The following EPHA6 variants were observed in gnomAD, a reference collection of about 807,000 sequenced individuals.
The protein encoded by EPHA6 is EPH receptor A6, also known as ephrin type-A receptor 6.
In EPHA6, 50 loss-of-function variants were observed where a neutral mutation model predicts 112.0. That is an observed-to-expected ratio of 0.45 (90% CI 0.36 to 0.56). The LOEUF is 0.56. Among genes scored for constraint, EPHA6 ranks in the 20% least tolerant of loss-of-function variants. The pLI is 0.00. For synonymous variants in EPHA6, 529 were observed against 490.7 expected (o/e 1.08, Z -1.03); for missense variants, 1,280 against 1,417.4 (o/e 0.90, Z 1.56).
chr3:97,248,578 G>T (rs979443503), intron 5 of EPHA6, among the ~76,000 whole-genome samples: 5 of 152,046 alleles, frequency 3.3e-5, no homozygotes, highest in Non-Finnish European at 7.4e-5. Context: ...GCTGATATTT[G>T]CTAAAGGGTC....
At chr3:96,822,647 C>T (rs756206044) in intron 1 of EPHA6, among the ~76,000 whole-genome samples, 2 of 150,934 alleles carry the variant, frequency 1.3e-5, no homozygotes, top group African/African-American at 4.9e-5. Context: ...TGTTAGGTAT[C>T]TATGTGGATA....
intron 10 of EPHA6, among the ~76,000 whole-genome samples, chr3:97,531,879 G>A (rs1375309265): frequency 1.3e-5 from 2 of 151,890 alleles, no homozygotes; most frequent in Admixed American, 6.6e-5. Flanking sequence ...TTTTCAATAC[G>A]TTCATACATC....
intron 3 of EPHA6, among the ~76,000 whole-genome samples, chr3:97,219,858 C>T (rs531736127): frequency 1.1e-4 from 16 of 152,302 alleles, no homozygotes; most frequent in African/African-American, 3.8e-4. Flanking sequence ...ATTTTATGCT[C>T]TACTTCCCTT....
At position 97,244,017 on chromosome 3, in the gene EPHA6, A is replaced by G; in HGVS notation, c.1336A>G (p.Ser446Gly). ...INETALILEW[S>G]PPSDTGGRKD... is the part of the protein sequence containing the mutation. ...TGAAACAGCCCTTATTTTGGAATGG[A>G]GCCCACCAAGTGACACAGGAGGGAG... Residue 446 changes from serine to glycine, a missense_variant, in exon 5 of 18, where the codon AGC (serine) becomes GGC (glycine). This residue lies in a region of EPHA6 where 878 missense variants were observed against 999.7 expected (regional missense o/e 0.88). Transcript: ENST00000389672. The G allele has an allele frequency of 6.2e-7, 1 of 1,612,442 alleles. No individual in the cohort carries two copies. The highest frequency in any genetic ancestry group is 1.1e-5 in the South Asian group (1 of 91,014).
chr3:97,415,977 T>C (rs2088092247), intron 6 of EPHA6, among the ~76,000 whole-genome samples: 1 of 152,072 alleles, frequency 6.6e-6, no homozygotes, highest in Admixed American at 6.6e-5. Flanking sequence ...TTGTTTGTTG[T>C]CAAAATAAAT....
chr3:96,956,551 A>G (rs1285613303), intron 2 of EPHA6, among the ~76,000 whole-genome samples: 1 of 152,222 alleles, frequency 6.6e-6, no homozygotes, highest in Non-Finnish European at 1.5e-5. Flanking sequence ...TGAAGTGAAC[A>G]GCATGCTATA....
intron 14 of EPHA6, among the ~76,000 whole-genome samples, chr3:97,670,731 C>T (rs896215558): frequency 6.6e-6 from 1 of 152,216 alleles, no homozygotes; most frequent in Admixed American, 6.5e-5. Context: ...GAATTTTCTG[C>T]AGGCAGCATA....
At chr3:97,597,658 C>T (rs1178707208) in intron 12 of EPHA6, among the ~76,000 whole-genome samples, 2 of 152,214 alleles carry the variant, frequency 1.3e-5, no homozygotes, top group African/African-American at 2.4e-5. Flanking sequence ...AATGTCTTTA[C>T]AGTACACTAA....
chr3:97,068,097 G>A (rs2046233176), intron 3 of EPHA6, among the ~76,000 whole-genome samples: 1 of 142,764 alleles, frequency 7.0e-6, no homozygotes, highest in African/African-American at 2.8e-5. Context: ...GGAGGCTTCA[G>A]TGAGCAGAGT....
chr3:97,311,793 T>TA (rs1414459579), intron 5 of EPHA6, among the ~76,000 whole-genome samples: 1 of 121,560 alleles, frequency 8.2e-6, no homozygotes, highest in African/African-American at 4.3e-5. Flanking sequence ...TTATTTGTCT[T>TA]AGAGTAAGAT....
At position 97,174,953 on chromosome 3, in the gene EPHA6, G is replaced by A. The variant is rs571510706; in HGVS notation, c.1115-51311G>A. Among the ~76,000 whole-genome samples the A allele has an allele frequency of 4.0e-5, 6 of 151,798 alleles. No homozygotes were observed. In the South Asian group the frequency reaches 1.2e-3, roughly 32 times the overall value. On this transcript the variant is annotated intron_variant, in intron 3 of 17. Coordinates refer to ENST00000389672, the MANE Select transcript of EPHA6 (RefSeq NM_001080448.3). The stretch of plus-strand genomic sequence containing the variant: ...TGGTTGCCTGTACGTGTGGGGTATT[G>A]CTCAAGATATTTTTGCCCAGACCAA...
At chr3:96,840,392 G>A (rs2034668491) in intron 1 of EPHA6, among the ~76,000 whole-genome samples, 1 of 152,062 alleles carries the variant, frequency 6.6e-6, no homozygotes, top group Admixed American at 6.6e-5. Context: ...ATGAAGTCAA[G>A]AGAGATTTCA....
At chr3:97,451,405 G>A (rs940878121) in intron 7 of EPHA6, among the ~76,000 whole-genome samples, 1 of 151,718 alleles carries the variant, frequency 6.6e-6, no homozygotes, top group Non-Finnish European at 1.5e-5. Flanking sequence ...AGCAGAAGAT[G>A]GTGAAAACTA....
At chr3:96,848,603 T>TCA (rs890104344) in intron 1 of EPHA6, among the ~76,000 whole-genome samples, 18 of 152,002 alleles carry the variant, frequency 1.2e-4, no homozygotes, top group African/African-American at 4.3e-4. Context: ...CCAGCTTGGG[T>TCA]CACAGAGTGA....
intron 2 of EPHA6, among the ~76,000 whole-genome samples, chr3:96,877,634 G>A (rs1000443623): frequency 6.6e-6 from 1 of 151,978 alleles, no homozygotes; most frequent in Middle Eastern, 3.4e-3. Flanking sequence ...AAAAAACACA[G>A]GTTGGCGTTA....
chr3:97,483,114 A>G (rs1344935212), intron 9 of EPHA6, among the ~76,000 whole-genome samples: 4 of 152,230 alleles, frequency 2.6e-5, no homozygotes, highest in African/African-American at 9.6e-5. Context: ...AAATAAATAA[A>G]TGATCAAAAC....
chr3:97,684,957 T>G (rs148212648), intron 14 of EPHA6, among the ~76,000 whole-genome samples: 5 of 152,330 alleles, frequency 3.3e-5, no homozygotes, highest in African/African-American at 1.2e-4. Context: ...TAACGGGTAT[T>G]GCACGAAACT....
intron 3 of EPHA6, among the ~76,000 whole-genome samples, chr3:97,211,815 T>C (rs188445360): frequency 9.9e-5 from 15 of 152,254 alleles, no homozygotes; most frequent in Admixed American, 7.8e-4. Context: ...GCGAGTAAAC[T>C]AAAGAAACAG....
intron 3 of EPHA6, among the ~76,000 whole-genome samples, chr3:96,999,229 T>C (rs1021528413): frequency 2.0e-5 from 3 of 151,958 alleles, no homozygotes; most frequent in Non-Finnish European, 4.4e-5. Context: ...TCATCAGTTT[T>C]TTTATTTGAA....
Sources: gnomAD v4.1 joint callset for allele counts (sites outside exome capture counted in the v4.1 genomes callset) on GRCh38, gnomAD v4.1.1 for gene constraint, gnomAD v4.1.1 regional missense constraint, MANE v1.5 for transcripts, NCBI Gene and HGNC (gene_info 2026-07-23, HGNC 2026-07-21) for gene names.